PHACTR3: variants seen among roughly 807,000 people sequenced by gnomAD.
PHACTR3 encodes the protein protein phosphatase 1, regulatory subunit 123.
A neutral mutation model predicts 66.8 loss-of-function variants in PHACTR3; 16 were observed. The ratio of observed to expected loss-of-function variants is 0.24; its 90% confidence interval spans 0.16 to 0.36. PHACTR3 has a LOEUF of 0.36. Ranked by LOEUF, PHACTR3 falls within the 10% of genes least tolerant of loss-of-function variation. The probability of loss-of-function intolerance (pLI) is 1.00; values close to 1 mark genes in which losing one functional copy is unlikely to be tolerated. For missense variants in PHACTR3, 647 were observed against 719.9 expected (o/e 0.90, Z 1.16); for synonymous variants, 323 against 292.1 (o/e 1.11, Z -1.08).
intron 8 of PHACTR3, among the ~76,000 whole-genome samples, chr20:59,821,301 CA>C (rs2042023030): frequency 6.6e-6 from 1 of 152,186 alleles, no homozygotes; most frequent in African/African-American, 2.4e-5. Context: ...TCAGGACTGG[CA>C]TGGTTGTTCC....
At chr20:59,631,251 T>C (rs2034650446) in intron 1 of PHACTR3, among the ~76,000 whole-genome samples, 1 of 152,222 alleles carries the variant, frequency 6.6e-6, no homozygotes, top group South Asian at 2.1e-4. Flanking sequence ...CTGAAACTTC[T>C]ATGTGCATAC....
At chr20:59,762,629 A>G (rs1382167353) in intron 4 of PHACTR3, among the ~76,000 whole-genome samples, 1 of 152,240 alleles carries the variant, frequency 6.6e-6, no homozygotes, top group African/African-American at 2.4e-5. Context: ...CTAGCCTTCC[A>G]GAGTTCTCCA....
chr20:59,761,029 T>A (rs534803616), intron 4 of PHACTR3, among the ~76,000 whole-genome samples: 2 of 152,084 alleles, frequency 1.3e-5, no homozygotes, highest in Non-Finnish European at 2.9e-5. Flanking sequence ...ACCATAACAG[T>A]CTACAGCCTA....
intron 1 of PHACTR3, among the ~76,000 whole-genome samples, chr20:59,660,468 T>G (rs937870050): frequency 7.2e-5 from 11 of 152,214 alleles, no homozygotes; most frequent in Admixed American, 1.3e-4. Flanking sequence ...CACTCCAGCC[T>G]GGGGGACAGC....
chr20:59,771,897 G>A (rs1305820699), intron 5 of PHACTR3, among the ~76,000 whole-genome samples: 2 of 152,092 alleles, frequency 1.3e-5, no homozygotes, highest in East Asian at 1.9e-4. Context: ...TTTAGGGAAT[G>A]GGGTAGTTTA....
chr20:59,835,333 C>T (rs1425160377), intron 8 of PHACTR3, among the ~76,000 whole-genome samples: 1 of 152,132 alleles, frequency 6.6e-6, no homozygotes, highest in Admixed American at 6.5e-5. Context: ...AAGCAACCAC[C>T]CACAGAGCCA....
At position 59,830,723 on chromosome 20, in the gene PHACTR3, C is replaced by G. The variant is rs577305392; in HGVS notation, c.1329-5782C>G. On this transcript the variant is annotated intron_variant, in intron 8 of 12. Coordinates refer to ENST00000371015, the MANE Select transcript of PHACTR3 (RefSeq NM_080672.5). The surrounding 1 kb of genome is among the most constrained non-coding windows in gnomAD (Gnocchi z 5.8). ...AACCTCCTCCTGTATTTAGTGTTCTCGACTCTCCCAGCATCCCTGTGGGTT... is the reference window on the plus strand; with the variant it reads ...AACCTCCTCCTGTATTTAGTGTTCTGGACTCTCCCAGCATCCCTGTGGGTT... Among the ~76,000 whole-genome samples, 2 of 152,134 alleles carry G rather than the reference C, an allele frequency of 1.3e-5. No homozygotes were observed. The highest frequency in any genetic ancestry group is 2.9e-5 in the Non-Finnish European group (2 of 68,014).
intron 1 of PHACTR3, among the ~76,000 whole-genome samples, chr20:59,697,404 C>T (rs931518160): frequency 6.6e-6 from 1 of 152,178 alleles, no homozygotes; most frequent in Non-Finnish European, 1.5e-5. Flanking sequence ...CATGGTGGCT[C>T]AGACTTACTT....
rs554119015 is a variant in PHACTR3 at position 59,841,038 on chromosome 20, C to A, written c.1447-357C>A. 1.4e-4 allele frequency among the ~76,000 whole-genome samples: 22 copies of A among 152,306 alleles called. No homozygotes were observed. The South Asian group carries it at 4.6e-3, about 32-fold the overall frequency. On this transcript the variant is annotated intron_variant, in intron 10 of 12. Coordinates refer to ENST00000371015, the MANE Select transcript of PHACTR3 (RefSeq NM_080672.5). ...AAATTAACAGAATATCCTTCCTAAG[C>A]TGGACATATAATAACTTTATTAGTA...
intron 1 of PHACTR3, among the ~76,000 whole-genome samples, chr20:59,712,284 T>C (rs1221332412): frequency 6.6e-6 from 1 of 152,210 alleles, no homozygotes; most frequent in Non-Finnish European, 1.5e-5. Flanking sequence ...ATGCGTTGCA[T>C]TGTTGAGAAA....
At chr20:59,660,270 A>G (rs2035764137) in intron 1 of PHACTR3, among the ~76,000 whole-genome samples, 1 of 152,210 alleles carries the variant, frequency 6.6e-6, no homozygotes, top group South Asian at 2.1e-4. Flanking sequence ...TGAGGTGGGC[A>G]GATCACGAGG....
intron 1 of PHACTR3, among the ~76,000 whole-genome samples, chr20:59,721,635 G>A (rs2038305006): frequency 6.6e-6 from 1 of 152,182 alleles, no homozygotes; most frequent in African/African-American, 2.4e-5. Context: ...GATACCTAAG[G>A]AATCTAGATG....
At chr20:59,685,481 T>C (rs2036830627) in intron 1 of PHACTR3, among the ~76,000 whole-genome samples, 1 of 152,208 alleles carries the variant, frequency 6.6e-6, no homozygotes, top group African/African-American at 2.4e-5. Flanking sequence ...ACCCGTCTGG[T>C]AGGGTTGTTC....
chr20:59,600,092 C>T (rs2033430323), upstream of PHACTR3, among the ~76,000 whole-genome samples: 1 of 152,132 alleles, frequency 6.6e-6, no homozygotes, highest in Non-Finnish European at 1.5e-5. Context: ...GCAGGGACTT[C>T]AGGGCTCCAT....
intron 5 of PHACTR3, among the ~76,000 whole-genome samples, chr20:59,769,187 C>A (rs546529081): frequency 6.6e-6 from 1 of 152,366 alleles, no homozygotes; most frequent in East Asian, 1.9e-4. Flanking sequence ...GCACCATGCG[C>A]CCCATCTTCC....
At chr20:59,687,024 G>A (rs1042637238) in intron 1 of PHACTR3, among the ~76,000 whole-genome samples, 82 of 151,702 alleles carry the variant, frequency 5.4e-4, no homozygotes, top group African/African-American at 1.9e-3. Context: ...TGGTGGTGAT[G>A]ATGATGGTGG....
chr20:59,641,239 T>G (rs2035090621), intron 1 of PHACTR3, among the ~76,000 whole-genome samples: 1 of 152,176 alleles, frequency 6.6e-6, no homozygotes, highest in African/African-American at 2.4e-5. Context: ...TATGCATGTA[T>G]GTATGTCTCT....
intron 1 of PHACTR3, among the ~76,000 whole-genome samples, chr20:59,632,312 G>A (rs192787491): frequency 6.6e-6 from 1 of 152,152 alleles, no homozygotes; most frequent in African/African-American, 2.4e-5. Flanking sequence ...CTCTGTCCAC[G>A]TGGAATTGAC....
At position 59,830,393 on chromosome 20, in the gene PHACTR3, T is replaced by C. The variant is rs956721481; in HGVS notation, c.1329-6112T>C. On this transcript the variant is annotated intron_variant, in intron 8 of 12. Coordinates refer to ENST00000371015, the MANE Select transcript of PHACTR3 (RefSeq NM_080672.5). The surrounding 1 kb of genome is among the most constrained non-coding windows in gnomAD (Gnocchi z 5.8). The stretch of plus-strand genomic sequence containing the variant: ...GTGTGAATGTCTGATGGAGAGAGCA[T>C]GAGTGATGAAGAGGGTGTGAGTGTC... Among the ~76,000 whole-genome samples the C allele has an allele frequency of 6.6e-6, 1 of 151,210 alleles. No homozygotes were observed. Among genetic ancestry groups the C allele is most frequent in the African/African-American group, 2.4e-5 (1 of 40,984 alleles).
Sources: allele counts gnomAD v4.1 joint callset (sites outside exome capture counted in the v4.1 genomes callset), GRCh38; gene constraint gnomAD v4.1.1; non-coding constraint Gnocchi (gnomAD v3.1); transcripts MANE v1.5; gene names NCBI Gene and HGNC (gene_info 2026-07-23, HGNC 2026-07-21).